RNF212B: variants seen among roughly 807,000 people sequenced by gnomAD.
RNF212B encodes the protein ring finger protein 212B, also known as E3 ubiquitin-protein ligase RNF212B.
Under a neutral mutation model 55.5 loss-of-function variants are expected in RNF212B, and 52 were observed. The ratio of observed to expected loss-of-function variants is 0.94; its 90% CI spans 0.75 to 1.18. The LOEUF (loss-of-function observed/expected upper bound fraction) is 1.18, where lower values mean the gene tolerates loss of function less well. RNF212B is among the 50% of genes most tolerant of loss of function. The probability of loss-of-function intolerance (pLI) is 0.00; values close to 1 mark genes in which losing one functional copy is unlikely to be tolerated. For missense variants in RNF212B, 289 were observed against 350.4 expected (o/e 0.82, Z 1.40); for synonymous variants, 99 against 121.4 (o/e 0.82, Z 1.21).
At position 23,269,623 on chromosome 14, in the gene RNF212B, G is replaced by T. The variant is rs141220158; in HGVS notation, c.675-240G>T. On this transcript the variant is annotated intron_variant, in intron 12 of 14. Transcript: ENST00000430154. ...GCTACTTGGGAGACTAAGACAGGAG[G>T]ATCACTTGAGTTTAGGAAGTCAAGG... Among the ~76,000 whole-genome samples the T allele has an allele frequency of 4.7e-4, 72 of 151,590 alleles. 1 individual carries two copies. In the East Asian group the frequency reaches 0.011, roughly 23 times the overall value.
intron 2 of RNF212B, among the ~76,000 whole-genome samples, chr14:23,211,047 G>A (rs1416490003): frequency 1.3e-5 from 2 of 151,658 alleles, no homozygotes; most frequent in Non-Finnish European, 1.5e-5. Flanking sequence ...GTGAAACCCC[G>A]TCTCTACTGA....
intron 12 of RNF212B, 67 bp from the exon 13 acceptor site, chr14:23,269,796 C>A: frequency 1.2e-6 from 1 of 864,380 alleles, no homozygotes; most frequent in Non-Finnish European, 1.9e-6. Context: ...TCTTCCATTA[C>A]ATATGCTTTT....
chr14:23,229,261 T>TATATATATATATATATAC (rs558232357), intron 2 of RNF212B, among the ~76,000 whole-genome samples: 13 of 127,216 alleles, frequency 1.0e-4, no homozygotes, highest in African/African-American at 9.2e-5. Flanking sequence ...TATATATATA[T>TATATATATATATATATAC]ACCACATTGT....
chr14:23,190,019 G>A (rs1877970460), intron 1 of RNF212B, among the ~76,000 whole-genome samples: 1 of 151,954 alleles, frequency 6.6e-6, no homozygotes, highest in Non-Finnish European at 1.5e-5. Context: ...GTCCAATCTA[G>A]CAATCATTTC....
At chr14:23,246,184 G>C (rs1883967543) in intron 4 of RNF212B, among the ~76,000 whole-genome samples, 1 of 151,416 alleles carries the variant, frequency 6.6e-6, no homozygotes, top group South Asian at 2.1e-4. Flanking sequence ...ACCCAGGCTG[G>C]AGTGCAGTGG....
At chr14:23,243,944 G>A (rs1017322911) in intron 3 of RNF212B, among the ~76,000 whole-genome samples, 1 of 151,908 alleles carries the variant, frequency 6.6e-6, no homozygotes, top group Non-Finnish European at 1.5e-5. Flanking sequence ...TGGGTGTGTT[G>A]GTAGGCACCT....
intron 2 of RNF212B, among the ~76,000 whole-genome samples, chr14:23,200,073 G>A (rs539745394): frequency 6.6e-6 from 1 of 151,488 alleles, no homozygotes; most frequent in South Asian, 2.1e-4. Context: ...CTATCGTCTT[G>A]AAACATTTTT....
intron 2 of RNF212B, among the ~76,000 whole-genome samples, chr14:23,209,273 G>T (rs144787145): frequency 6.6e-6 from 1 of 151,926 alleles, no homozygotes; most frequent in Non-Finnish European, 1.5e-5. Flanking sequence ...TTCCTTTACC[G>T]CAACCTGTTT....
At chr14:23,253,359 CTT>C (rs887908052) in intron 4 of RNF212B, among the ~76,000 whole-genome samples, 8 of 152,086 alleles carry the variant, frequency 5.3e-5, no homozygotes, top group East Asian at 1.9e-4. Context: ...TAAGTTTTCT[CTT>C]GTTTCTTTTT....
intron 2 of RNF212B, among the ~76,000 whole-genome samples, chr14:23,196,885 C>T (rs998596045): frequency 1.3e-5 from 2 of 152,168 alleles, no homozygotes; most frequent in African/African-American, 4.8e-5. Flanking sequence ...CATTCCTGGC[C>T]CTAGAGTGTG....
intron 2 of RNF212B, 68 bp from the exon 3 acceptor site, chr14:23,243,188 T>C: frequency 1.7e-6 from 2 of 1,158,572 alleles, no homozygotes; most frequent in South Asian, 1.3e-5. Flanking sequence ...TGTTGCCATG[T>C]ACTTTAAGTC....
At chr14:23,227,070 G>A (rs891094368) in intron 2 of RNF212B, among the ~76,000 whole-genome samples, 6 of 151,870 alleles carry the variant, frequency 4.0e-5, no homozygotes, top group African/African-American at 1.2e-4. Context: ...TCTATGGATG[G>A]TACCAATGTC....
At chr14:23,262,376 A>G (rs1398569901) in intron 7 of RNF212B, among the ~76,000 whole-genome samples, 1 of 152,204 alleles carries the variant, frequency 6.6e-6, no homozygotes, top group Non-Finnish European at 1.5e-5. Flanking sequence ...TGTATGGTTG[A>G]GAGTACTTGG....
intron 2 of RNF212B, among the ~76,000 whole-genome samples, chr14:23,225,581 C>A (rs1057055339): frequency 6.7e-6 from 1 of 149,776 alleles, no homozygotes; most frequent in African/African-American, 2.5e-5. Flanking sequence ...TTCATGTTCT[C>A]ATTTATTTGT....
chr14:23,240,715 A>G (rs992181318), intron 2 of RNF212B, among the ~76,000 whole-genome samples: 3 of 152,248 alleles, frequency 2.0e-5, no homozygotes, highest in Non-Finnish European at 4.4e-5. Flanking sequence ...GAAAGCCACA[A>G]GGCATCAGAT....
chr14:23,200,384 G>C (rs6573034), intron 2 of RNF212B, among the ~76,000 whole-genome samples: 150,144 of 152,024 alleles, frequency 0.99, 74,169 homozygotes, highest in East Asian at 1. Context: ...AGAGTGCAAT[G>C]GCATGATCTT....
rs562837406 is a variant in RNF212B at position 23,216,933 on chromosome 14, G to A, written c.-1-23412G>A. 5.7e-5 allele frequency among the ~76,000 whole-genome samples: 8 copies of A among 139,864 alleles called. No individual in the cohort carries two copies. In the East Asian group the frequency reaches 9.3e-4, roughly 16 times the overall value. The allele number at this position is 139,864 out of a possible 152,430, so 91.8% of individuals were successfully genotyped here. Reference sequence around the variant, plus strand: ...CAATCTCAAAGGTTACAGATTGTATGATTCCACTTATACAACATTTTAAAT... The same window carrying A: ...CAATCTCAAAGGTTACAGATTGTATAATTCCACTTATACAACATTTTAAAT... On this transcript the variant is annotated intron_variant, in intron 2 of 15. Transcript: ENST00000399910.
chr14:23,186,203 A>C (rs549295803), intron 1 of RNF212B, among the ~76,000 whole-genome samples: 5 of 152,342 alleles, frequency 3.3e-5, no homozygotes, highest in African/African-American at 1.2e-4. Context: ...TGTAGGTTGG[A>C]ATCTTTTTGT....
intron 2 of RNF212B, among the ~76,000 whole-genome samples, chr14:23,204,086 C>T (rs1317148060): frequency 6.6e-6 from 1 of 152,002 alleles, no homozygotes; most frequent in African/African-American, 2.4e-5. Context: ...TTTTTTCTTA[C>T]TGATTTGTTT....
Sources: allele counts gnomAD v4.1 joint callset (sites outside exome capture counted in the v4.1 genomes callset), GRCh38; gene constraint gnomAD v4.1.1; transcripts MANE v1.5; gene names NCBI Gene and HGNC (gene_info 2026-07-23, HGNC 2026-07-21).